CD300C: variants seen among roughly 807,000 people sequenced by gnomAD.
CD300C encodes CMRF35-like molecule 6.
In CD300C, 11 loss-of-function variants were observed where a neutral mutation model predicts 18.4. The observed-to-expected ratio is 0.60, with a 90% CI of 0.38 to 0.99. The LOEUF is 0.99. Ranked by LOEUF, CD300C falls within the 50% of genes least tolerant of loss-of-function variation. The pLI, the probability that CD300C is intolerant of heterozygous loss-of-function variation, is 0.01. For missense variants in CD300C, 277 were observed against 287.4 expected (o/e 0.96, Z 0.26); for synonymous variants, 116 against 116.3 (o/e 1.00, Z 0.02).
At chr17:74,544,205 G>A (rs1198545848) in intron 2 of CD300C, among the ~76,000 whole-genome samples, 1 of 152,108 alleles carries the variant, frequency 6.6e-6, no homozygotes, top group Non-Finnish European at 1.5e-5. Context: ...GCGGGACAGT[G>A]GGCACCCTTC....
Position 74,544,825 on chromosome 17 carries a change from T to G in CD300C, c.184A>C (p.Ile62Leu). The G allele has an allele frequency of 6.2e-7, 1 of 1,614,238 alleles. No individual in the cohort carries two copies. The highest frequency in any genetic ancestry group is 8.5e-7 in the Non-Finnish European group (1 of 1,180,046). ...LNKFWCRPPQ[I>L]LRCDKIVETK... Reference sequence around the variant, plus strand: ...TCCACAATCTTGTCACATCGGAGAATCTGTGGTGGTCTGCACCAGAATTTG... The same window carrying G: ...TCCACAATCTTGTCACATCGGAGAAGCTGTGGTGGTCTGCACCAGAATTTG... The change falls in exon 2 of 4, where the codon ATT becomes CTT. Residue 62 changes from isoleucine to leucine, a missense_variant. Coordinates refer to ENST00000330793, the MANE Select transcript of CD300C (RefSeq NM_006678.5).
Position 74,544,876 on chromosome 17 carries a change from A to T in CD300C, c.133T>A (p.Tyr45Asn). 1 of 1,614,156 alleles carries T rather than the reference A, an allele frequency of 6.2e-7. No homozygotes were observed. Among genetic ancestry groups the T allele is most frequent in the Non-Finnish European group, 8.5e-7 (1 of 1,180,020 alleles). The change falls in exon 2 of 4, where the codon TAT becomes AAT. Residue 45 changes from tyrosine to asparagine, a missense_variant. By Grantham distance (143) the Tyr-to-Asn change is moderately radical. Coordinates refer to ENST00000330793, the MANE Select transcript of CD300C (RefSeq NM_006678.5). ...VGGSLSVQCR[Y>N]EKEHRTLNKF... Reference sequence around the variant, plus strand: ...TTGAGGGTCCTGTGTTCCTTCTCATAGCGACACTGCACACTCAGGGATCCC... The same window carrying T: ...TTGAGGGTCCTGTGTTCCTTCTCATTGCGACACTGCACACTCAGGGATCCC...
At chr17:74,535,485 A>T in the CD300C span, among the ~76,000 whole-genome samples, 1 of 151,134 alleles carries the variant, frequency 6.6e-6, no homozygotes, top group Non-Finnish European at 1.5e-5. Context: ...AAAAAAAAAA[A>T]AAAGCCACAA....
At chr17:74,545,289 T>G (rs1289155493) in intron 1 of CD300C, among the ~76,000 whole-genome samples, 1 of 151,554 alleles carries the variant, frequency 6.6e-6, no homozygotes, top group Non-Finnish European at 1.5e-5. Flanking sequence ...TGTGTGACTG[T>G]GTGTGCATGT....
At chr17:74,544,557 T>C in intron 2 of CD300C, 52 bp downstream of exon 2, 1 of 1,553,624 alleles carries the variant, frequency 6.4e-7, no homozygotes, top group South Asian at 1.2e-5. Context: ...AGGGACAGAA[T>C]GACCAGCCCT....
chr17:74,545,233 A>T (rs889532050), intron 1 of CD300C, among the ~76,000 whole-genome samples: 20 of 150,986 alleles, frequency 1.3e-4, no homozygotes, highest in African/African-American at 4.9e-4. Flanking sequence ...TGACTGTGTG[A>T]GTGTGACTGT....
At chr17:74,539,024 G>T (rs1025892629), downstream of CD300C, among the ~76,000 whole-genome samples, 1 of 152,180 alleles carries the variant, frequency 6.6e-6, no homozygotes, top group African/African-American at 2.4e-5. Context: ...TCTTTACCCT[G>T]GAAAGGGCAA....
rs1908547614 is a variant in CD300C, at chr17:74,541,556, G to C, written c.*33C>G. 6.6e-7 allele frequency: 1 copy of C among 1,513,610 alleles called. No homozygotes were observed. The highest frequency in any genetic ancestry group is 1.7e-5 in the Admixed American group (1 of 59,884). The allele number at this position is 1,513,610 out of a possible 1,614,324, so 93.8% of individuals were successfully genotyped here. On this transcript the variant is annotated 3_prime_UTR_variant, in exon 4 of 4. Coordinates refer to ENST00000330793, the MANE Select transcript of CD300C (RefSeq NM_006678.5). ...CATTCCAGTCCCCCAGAGGGGCTCT[G>C]TTGCAGCACAGGGCCTTGATGGACA...
At position 74,545,035 on chromosome 17, in the gene CD300C, G is replaced by A. The variant is rs183826656; in HGVS notation, c.62-88C>T. The A allele has an allele frequency of 8.8e-4, 1,105 of 1,251,442 alleles. 11 individuals carry two copies. The African/African-American group carries it at 0.013, about 15-fold the overall frequency. 77.5% of individuals were successfully genotyped at this position (1,251,442 alleles called of 1,614,324 possible). ...TGTCAGCCCCTCATGGACCCTGGGCGTGTGGAGAAGGCAATGGCAGGCAGG... is the reference window on the plus strand; with the variant it reads ...TGTCAGCCCCTCATGGACCCTGGGCATGTGGAGAAGGCAATGGCAGGCAGG... On this transcript the variant is annotated intron_variant, in intron 1 of 3. Transcript: ENST00000330793.
In CD300C at chr17:74,541,588, G is replaced by A. The variant is rs1908549356; in HGVS notation, c.*1C>T. The A allele has an allele frequency of 8.1e-6, 13 of 1,609,108 alleles. No individual in the cohort carries two copies. The highest frequency in any genetic ancestry group is 1.0e-5 in the Non-Finnish European group (12 of 1,175,490). Reference sequence around the variant, plus strand: ...CACAGGGCCTTGATGGACAGCAGATGCTACTGGTTCTCACCCTTGGGCCAA... The same window carrying A: ...CACAGGGCCTTGATGGACAGCAGATACTACTGGTTCTCACCCTTGGGCCAA... On this transcript the variant is annotated 3_prime_UTR_variant, in exon 4 of 4. Transcript: ENST00000330793.
chr17:74,537,006 G>A (rs1908397525), downstream of CD300C, among the ~76,000 whole-genome samples: 2 of 151,348 alleles, frequency 1.3e-5, no homozygotes, highest in African/African-American at 2.4e-5. Context: ...CCAAGAGGTA[G>A]GAAGAGCAGG....
At chr17:74,540,487 G>T (rs1045532714), downstream of CD300C, among the ~76,000 whole-genome samples, 6 of 152,072 alleles carry the variant, frequency 3.9e-5, no homozygotes, top group African/African-American at 1.5e-4. Context: ...CCAATGCCAG[G>T]TCAGTGTCTG....
intron 3 of CD300C, among the ~76,000 whole-genome samples, 167 bp downstream of exon 3, chr17:74,542,694 G>A (rs1471767847): frequency 6.6e-6 from 1 of 152,240 alleles, no homozygotes; most frequent in Admixed American, 6.5e-5. Flanking sequence ...GTTCCCTGCT[G>A]TGACCCAATC....
the CD300C span, among the ~76,000 whole-genome samples, chr17:74,535,622 C>T: frequency 6.6e-6 from 1 of 151,924 alleles, no homozygotes; most frequent in Non-Finnish European, 1.5e-5. Flanking sequence ...GAATTACATA[C>T]CATGTTCATA....
Position 74,545,710 on chromosome 17 carries a change from C to T in CD300C, c.61+12G>A, listed in dbSNP as rs779862937. Reference sequence around the variant, plus strand: ...GGACAGAGCTCCCCAAGTCCAGGGTCGGCCCACTCACCTGGGACAAGCAGG... The same window carrying T: ...GGACAGAGCTCCCCAAGTCCAGGGTTGGCCCACTCACCTGGGACAAGCAGG... On this transcript the variant is annotated intron_variant, in intron 1 of 3. Coordinates refer to ENST00000330793, the MANE Select transcript of CD300C (RefSeq NM_006678.5). 3.7e-6 allele frequency: 6 copies of T among 1,600,998 alleles called. No homozygotes were observed. The highest frequency in any genetic ancestry group is 2.2e-5 in the South Asian group (2 of 89,348).
chr17:74,536,177 A>C (rs1212929296), downstream of CD300C, among the ~76,000 whole-genome samples: 1 of 152,210 alleles, frequency 6.6e-6, no homozygotes, highest in Non-Finnish European at 1.5e-5. Flanking sequence ...TAAACCATTA[A>C]GGAAAATGAA....
chr17:74,545,355 AGTGTGACTGTGTGT>A (rs1048631811), intron 1 of CD300C, among the ~76,000 whole-genome samples: 5 of 142,432 alleles, frequency 3.5e-5, no homozygotes, highest in African/African-American at 1.1e-4. Context: ...AGACTGTGTG[AGTGTGACTGTGTGT>A]GCATGTGTGT....
chr17:74,541,496 G>A lies in CD300C; in HGVS notation c.*93C>T. ...GCTCACAAAGGATTCCAGGAGATGT[G>A]GAGAGAGCAGCCCGGGAGGGAGTGG... On this transcript the variant is annotated 3_prime_UTR_variant, in exon 4 of 4. Coordinates refer to ENST00000330793, the MANE Select transcript of CD300C (RefSeq NM_006678.5). 1.2e-6 allele frequency: 1 copy of A among 838,322 alleles called. No individual in the cohort carries two copies. The highest frequency in any genetic ancestry group is 2.1e-6 in the Non-Finnish European group (1 of 486,920). The allele number at this position is 838,322 out of a possible 1,614,324, so 51.9% of individuals were successfully genotyped here.
At chr17:74,535,772 T>C in the CD300C span, among the ~76,000 whole-genome samples, 14 of 152,202 alleles carry the variant, frequency 9.2e-5, no homozygotes, top group Non-Finnish European at 1.8e-4. Context: ...TGCAAAGACA[T>C]TCCCAATATC....
Sources: allele counts gnomAD v4.1 joint callset (sites outside exome capture counted in the v4.1 genomes callset), GRCh38; gene constraint gnomAD v4.1.1; transcripts MANE v1.5; gene names NCBI Gene and HGNC (gene_info 2026-07-23, HGNC 2026-07-21).